Variants in PLXDC2 observed in about 807,000 individuals in gnomAD.
The protein encoded by PLXDC2 is plexin domain containing 2, also known as plexin domain-containing protein 2.
In PLXDC2, 40 loss-of-function variants were observed where a neutral mutation model predicts 68.9. The observed-to-expected ratio is 0.58, with a 90% CI of 0.45 to 0.76. The LOEUF (loss-of-function observed/expected upper bound fraction) is 0.76. PLXDC2 is among the 30% of genes least tolerant of loss of function. The pLI is 0.00. For synonymous variants in PLXDC2, 243 were observed against 234.2 expected, an observed-to-expected ratio of 1.04 and a Z score of -0.34; for missense variants, 644 against 661.9, an observed-to-expected ratio of 0.97 and a Z score of 0.30.
chr10:19,975,082 T>TTTA (rs1834426542), intron 1 of PLXDC2, among the ~76,000 whole-genome samples: 2 of 152,338 alleles, frequency 1.3e-5, no homozygotes, highest in Admixed American at 1.3e-4. Context: ...TATTTTCTCA[T>TTTA]GGTATTTTTC....
intron 9 of PLXDC2, among the ~76,000 whole-genome samples, chr10:20,191,232 A>T (rs537039222): frequency 6.6e-6 from 1 of 151,804 alleles, no homozygotes; most frequent in African/African-American, 2.4e-5. Context: ...TTTTTCTGGG[A>T]TATTATAGAA....
At chr10:19,990,602 GTTGT>G (rs1431777679) in intron 1 of PLXDC2, among the ~76,000 whole-genome samples, 3 of 152,004 alleles carry the variant, frequency 2.0e-5, no homozygotes, top group Admixed American at 6.6e-5. Context: ...TTCTTAACTG[GTTGT>G]TTGTATGTTT....
intron 2 of PLXDC2, among the ~76,000 whole-genome samples, chr10:20,029,622 T>C (rs1250575743): frequency 6.6e-6 from 1 of 152,172 alleles, no homozygotes; most frequent in Non-Finnish European, 1.5e-5. Flanking sequence ...AAATACTTCT[T>C]GGGCTGCACT....
At chr10:20,008,150 T>C (rs1267194097) in intron 2 of PLXDC2, among the ~76,000 whole-genome samples, 1 of 152,248 alleles carries the variant, frequency 6.6e-6, no homozygotes. Flanking sequence ...ATTTTACCAG[T>C]TGCTAATTGC....
At chr10:20,175,047 G>C (rs1834507761) in intron 7 of PLXDC2, among the ~76,000 whole-genome samples, 2 of 152,056 alleles carry the variant, frequency 1.3e-5, no homozygotes, top group Non-Finnish European at 2.9e-5. Context: ...CTAGAAGTTT[G>C]ATTCCAGGAT....
chr10:20,124,209 C>T (rs1206531739), intron 4 of PLXDC2, among the ~76,000 whole-genome samples: 3 of 152,142 alleles, frequency 2.0e-5, no homozygotes, highest in Non-Finnish European at 4.4e-5. Flanking sequence ...GCTGCCTTCC[C>T]TAGTCCTTGA....
At chr10:19,990,627 T>A (rs557966580) in intron 1 of PLXDC2, among the ~76,000 whole-genome samples, 9 of 152,326 alleles carry the variant, frequency 5.9e-5, no homozygotes, top group African/African-American at 1.9e-4. Context: ...AAGGAATATA[T>A]CACAAAAATG....
At chr10:20,193,013 A>G (rs1564348411) in intron 9 of PLXDC2, among the ~76,000 whole-genome samples, 1 of 152,152 alleles carries the variant, frequency 6.6e-6, no homozygotes, top group East Asian at 1.9e-4. Context: ...TCTTTCTCTT[A>G]CAAAAATATA....
At chr10:19,920,328 G>A (rs1453208621) in intron 1 of PLXDC2, among the ~76,000 whole-genome samples, 1 of 152,204 alleles carries the variant, frequency 6.6e-6, no homozygotes, top group Non-Finnish European at 1.5e-5. Context: ...CTCCCTAAAT[G>A]TTGCATTTCC....
intron 13 of PLXDC2, among the ~76,000 whole-genome samples, chr10:20,277,806 G>A (rs933746020): frequency 9.9e-5 from 15 of 151,976 alleles, no homozygotes; most frequent in African/African-American, 3.1e-4. Flanking sequence ...TTTTTGGGGG[G>A]ACCCATTAAC....
intron 1 of PLXDC2, among the ~76,000 whole-genome samples, chr10:19,948,407 G>A (rs1429235961): frequency 8.5e-6 from 1 of 117,102 alleles, no homozygotes; most frequent in Non-Finnish European, 1.8e-5. Context: ...TTTTTTTTTT[G>A]GTATAATGGA....
chr10:20,281,207 C>G lies in PLXDC2; in HGVS notation c.*1388C>G, dbSNP rs1264135186. The G allele has an allele frequency of 2.0e-5, 3 of 152,040 alleles. No homozygotes were observed. The highest frequency in any genetic ancestry group is 4.4e-5 in the Non-Finnish European group (3 of 68,018). The allele number at this position is 152,040 out of a possible 1,614,324, so 9.4% of individuals were successfully genotyped here. On this transcript the variant is annotated 3_prime_UTR_variant, in exon 14 of 14. Transcript: ENST00000377252. ...CAGAAAGCTCCTTAAATGGAGATATCGATTGCCTTGGAATCACAATCCTGA... is the reference window on the plus strand; with the variant it reads ...CAGAAAGCTCCTTAAATGGAGATATGGATTGCCTTGGAATCACAATCCTGA...
intron 1 of PLXDC2, among the ~76,000 whole-genome samples, chr10:19,914,121 G>C (rs1360100489): frequency 6.6e-6 from 1 of 150,470 alleles, no homozygotes; most frequent in Admixed American, 6.6e-5. Flanking sequence ...GAGGTAGGGA[G>C]GTAGGGAGGA....
intron 1 of PLXDC2, among the ~76,000 whole-genome samples, chr10:19,820,440 G>A (rs1281734954): frequency 6.6e-6 from 1 of 151,162 alleles, no homozygotes. Context: ...GACCATCCTG[G>A]CTAACAAGGT....
chr10:20,032,023 G>A (rs564805447), intron 2 of PLXDC2, among the ~76,000 whole-genome samples: 1 of 152,040 alleles, frequency 6.6e-6, no homozygotes, highest in East Asian at 1.9e-4. Context: ...GTTTCACCAT[G>A]TTGGCCAGGC....
intron 12 of PLXDC2, among the ~76,000 whole-genome samples, chr10:20,241,428 G>A (rs1835514725): frequency 6.6e-6 from 1 of 151,906 alleles, no homozygotes; most frequent in South Asian, 2.1e-4. Context: ...CATTTGGGAA[G>A]TAGCAACCTG....
chr10:20,215,415 G>A (rs369544843), intron 10 of PLXDC2, among the ~76,000 whole-genome samples: 11 of 152,092 alleles, frequency 7.2e-5, no homozygotes, highest in African/African-American at 1.4e-4. Flanking sequence ...ATATGACTGC[G>A]TATGAATGGA....
chr10:20,005,018 T>G (rs1835004357), intron 2 of PLXDC2, among the ~76,000 whole-genome samples: 1 of 152,318 alleles, frequency 6.6e-6, no homozygotes, highest in South Asian at 2.1e-4. Context: ...CTGGGCAATT[T>G]CAATGATTTT....
In PLXDC2 at chr10:20,189,040, C is replaced by T. The variant is rs117895327; in HGVS notation, c.1061+11631C>T. Among the ~76,000 whole-genome samples the T allele has an allele frequency of 4.2e-3, 312 of 75,108 alleles. 23 individuals are homozygous for T. The East Asian group carries it at 0.054, about 13-fold the overall frequency. The allele number at this position is 75,108 out of a possible 152,430, so 49.3% of individuals were successfully genotyped here. On this transcript the variant is annotated intron_variant, in intron 9 of 13. Coordinates refer to ENST00000377252, the MANE Select transcript of PLXDC2 (RefSeq NM_032812.9). ...TTTTCAAATTTTAATGAAGAATCTT[C>T]GCTTTTCTATTAAGCTGCTTGTCCT...
Sources: allele counts gnomAD v4.1 joint callset (sites outside exome capture counted in the v4.1 genomes callset), GRCh38; gene constraint gnomAD v4.1.1; transcripts MANE v1.5; gene names NCBI Gene and HGNC (gene_info 2026-07-23, HGNC 2026-07-21).